The following NEGR1 variants were observed in gnomAD, a reference collection of about 807,000 sequenced individuals.
The protein encoded by NEGR1 is IgLON family member 4.
Under a neutral mutation model 40.9 loss-of-function variants are expected in NEGR1, and 10 were observed. The ratio of observed to expected loss-of-function variants is 0.24; its 90% CI spans 0.15 to 0.42. The LOEUF (loss-of-function observed/expected upper bound fraction) is 0.42. NEGR1 is among the 10% of genes least tolerant of loss of function. NEGR1 has a pLI of 1.00. For synonymous variants in NEGR1, 185 were observed against 166.8 expected, an observed-to-expected ratio of 1.11 and a Z score of -0.84; for missense variants, 352 against 438.9, an observed-to-expected ratio of 0.80 and a Z score of 1.77.
chr1:71,717,827 A>G (rs977584004), intron 3 of NEGR1, among the ~76,000 whole-genome samples: 1 of 152,184 alleles, frequency 6.6e-6, no homozygotes, highest in African/African-American at 2.4e-5. Context: ...ATCCTTATAA[A>G]AAAAGGAAAA....
At position 72,021,785 on chromosome 1, in the gene NEGR1, C is replaced by A. The variant is rs367747455; in HGVS notation, c.177-86474G>T. 1.4e-4 allele frequency among the ~76,000 whole-genome samples: 21 copies of A among 152,250 alleles called. No individual in the cohort carries two copies. The East Asian group carries it at 3.3e-3, about 24-fold the overall frequency. Reference sequence around the variant, plus strand: ...AAACAACATGTCTGGTTTTGACAGGCAAATTCTATAAGTCACTTGGCGAAT... The same window carrying A: ...AAACAACATGTCTGGTTTTGACAGGAAAATTCTATAAGTCACTTGGCGAAT... On this transcript the variant is annotated intron_variant, in intron 1 of 6. Coordinates refer to ENST00000357731, the MANE Select transcript of NEGR1 (RefSeq NM_173808.3).
chr1:71,898,978 T>TAG (rs1557692875), intron 2 of NEGR1, among the ~76,000 whole-genome samples: 1 of 32,112 alleles, frequency 3.1e-5, no homozygotes, highest in Non-Finnish European at 5.2e-5. Flanking sequence ...TATATATATA[T>TAG]AGCATATATA....
chr1:72,160,688 G>T (rs947809430), intron 1 of NEGR1, among the ~76,000 whole-genome samples: 1 of 151,986 alleles, frequency 6.6e-6, no homozygotes, highest in Non-Finnish European at 1.5e-5. Flanking sequence ...CGTTTTTCTG[G>T]AAAGATCATC....
At chr1:71,829,465 T>C (rs1209831937) in intron 2 of NEGR1, among the ~76,000 whole-genome samples, 1 of 151,868 alleles carries the variant, frequency 6.6e-6, no homozygotes, top group Non-Finnish European at 1.5e-5. Context: ...TTCTGATATA[T>C]AATCAGAGCT....
chr1:71,744,068 T>C (rs1024358987), intron 3 of NEGR1, among the ~76,000 whole-genome samples: 1 of 152,108 alleles, frequency 6.6e-6, no homozygotes, highest in Non-Finnish European at 1.5e-5. Flanking sequence ...TGACAGTGTA[T>C]TTTTATATCT....
At chr1:71,791,536 A>T (rs1167471390) in intron 2 of NEGR1, among the ~76,000 whole-genome samples, 1 of 152,092 alleles carries the variant, frequency 6.6e-6, no homozygotes, top group Non-Finnish European at 1.5e-5. Context: ...ACTTTTACCT[A>T]TATATAAGAT....
intron 1 of NEGR1, among the ~76,000 whole-genome samples, chr1:71,999,688 T>TATATACA (rs1553129025): frequency 1.6e-5 from 2 of 128,140 alleles, no homozygotes; most frequent in Non-Finnish European, 3.3e-5. Context: ...TACATACATA[T>TATATACA]TTTTGTCCGG....
chr1:72,078,465 C>T (rs941089948), intron 1 of NEGR1, among the ~76,000 whole-genome samples: 63 of 151,988 alleles, frequency 4.1e-4, no homozygotes, highest in Non-Finnish European at 7.8e-4. Context: ...ACCTTGAAGT[C>T]TAAACTTTTA....
intron 2 of NEGR1, among the ~76,000 whole-genome samples, chr1:71,817,544 C>T (rs1326218953): frequency 1.1e-4 from 16 of 152,004 alleles, no homozygotes; most frequent in Non-Finnish European, 1.5e-5. Flanking sequence ...ACAGTCAATA[C>T]CAGGACTAGA....
At chr1:71,917,699 G>T (rs1661626525) in intron 2 of NEGR1, among the ~76,000 whole-genome samples, 4 of 150,294 alleles carry the variant, frequency 2.7e-5, no homozygotes, top group Admixed American at 2.0e-4. Flanking sequence ...AGAATGGCGT[G>T]AACCCGGGAG....
intron 1 of NEGR1, among the ~76,000 whole-genome samples, chr1:72,099,403 A>G (rs559490708): frequency 6.6e-6 from 1 of 151,570 alleles, no homozygotes; most frequent in African/African-American, 2.4e-5. Flanking sequence ...CTTAGTCATT[A>G]TAATAGTTTT....
chr1:71,473,038 G>A (rs1006481041), intron 6 of NEGR1, among the ~76,000 whole-genome samples: 2 of 151,934 alleles, frequency 1.3e-5, no homozygotes, highest in African/African-American at 4.8e-5. Context: ...TATATGTGTA[G>A]TTAAGAAAAA....
intron 1 of NEGR1, among the ~76,000 whole-genome samples, chr1:72,076,429 G>A (rs1647736318): frequency 6.6e-6 from 1 of 152,098 alleles, no homozygotes; most frequent in Non-Finnish European, 1.5e-5. Context: ...ATACATTTCT[G>A]TTGCTTATAA....
intron 6 of NEGR1, among the ~76,000 whole-genome samples, chr1:71,559,019 G>GTGTATATA (rs377263417): frequency 1.1e-4 from 12 of 114,090 alleles, no homozygotes; most frequent in South Asian, 6.2e-4. Context: ...CTGTGTGTGT[G>GTGTATATA]TATATATATA....
At chr1:72,151,166 C>T (rs1160030362) in intron 1 of NEGR1, among the ~76,000 whole-genome samples, 1 of 151,712 alleles carries the variant, frequency 6.6e-6, no homozygotes, top group Non-Finnish European at 1.5e-5. Context: ...AAGGTTTGCA[C>T]AATGGTTTTC....
At chr1:71,950,230 T>C (rs1056292616) in intron 1 of NEGR1, among the ~76,000 whole-genome samples, 1 of 152,026 alleles carries the variant, frequency 6.6e-6, no homozygotes, top group African/African-American at 2.4e-5. Context: ...CTTAGCAAGA[T>C]ACATATTTGT....
At chr1:71,619,799 T>A (rs1650554665) in intron 4 of NEGR1, among the ~76,000 whole-genome samples, 1 of 152,060 alleles carries the variant, frequency 6.6e-6, no homozygotes, top group Non-Finnish European at 1.5e-5. Context: ...AGGATGAAGA[T>A]AATGAAAGTG....
intron 1 of NEGR1, among the ~76,000 whole-genome samples, chr1:72,265,729 C>G (rs1055192328): frequency 1.3e-5 from 2 of 150,872 alleles, no homozygotes; most frequent in Non-Finnish European, 3.0e-5. Context: ...CTTCAATGAG[C>G]TTCCTATTTT....
chr1:72,028,523 C>T (rs1646831023), intron 1 of NEGR1, among the ~76,000 whole-genome samples: 2 of 152,206 alleles, frequency 1.3e-5, no homozygotes, highest in South Asian at 2.1e-4. Flanking sequence ...CCTCTATCTT[C>T]TCACCCCTAC....
Sources: allele counts gnomAD v4.1 joint callset (sites outside exome capture counted in the v4.1 genomes callset), GRCh38; gene constraint gnomAD v4.1.1; transcripts MANE v1.5; gene names NCBI Gene and HGNC (gene_info 2026-07-23, HGNC 2026-07-21).